Variants in TRPM3 observed in about 807,000 individuals in gnomAD.
The protein encoded by TRPM3 is long transient receptor potential channel 3.
Under a neutral mutation model 181.2 loss-of-function variants are expected in TRPM3, and 77 were observed. That is an observed-to-expected ratio of 0.42 (90% CI 0.35 to 0.51). The LOEUF is 0.51. Among genes scored for constraint, TRPM3 ranks in the 20% least tolerant of loss-of-function variants. The pLI is 0.01. For missense variants in TRPM3, 1,759 were observed against 2,196.7 expected, an observed-to-expected ratio of 0.80 and a Z score of 3.98; for synonymous variants, 745 against 796.4, an observed-to-expected ratio of 0.94 and a Z score of 1.09.
intron 9 of TRPM3, among the ~76,000 whole-genome samples, chr9:70,645,763 AT>A (rs1418847992): frequency 1.8e-4 from 28 of 151,930 alleles, no homozygotes; most frequent in African/African-American, 6.5e-4. Flanking sequence ...AATAAAAAAA[AT>A]AAATAAAACT....
chr9:70,943,296 C>T (rs2096902974), intron 1 of TRPM3, among the ~76,000 whole-genome samples: 1 of 152,200 alleles, frequency 6.6e-6, no homozygotes. Flanking sequence ...AATAAAAACT[C>T]TCAAAACTTG....
chr9:71,197,228 C>A (rs1363479543), intron 1 of TRPM3, among the ~76,000 whole-genome samples: 2 of 152,180 alleles, frequency 1.3e-5, no homozygotes, highest in African/African-American at 4.8e-5. Flanking sequence ...GCATAGTATT[C>A]CATGGTGTAT....
At chr9:71,437,332 T>C (rs547157449) in intron 1 of TRPM3, among the ~76,000 whole-genome samples, 5 of 152,338 alleles carry the variant, frequency 3.3e-5, no homozygotes, top group Non-Finnish European at 7.4e-5. Flanking sequence ...GCCAGATCCA[T>C]TCCATTATCA....
intron 9 of TRPM3, among the ~76,000 whole-genome samples, chr9:70,659,748 TA>T (rs2060853953): frequency 6.6e-6 from 1 of 152,186 alleles, no homozygotes; most frequent in South Asian, 2.1e-4. Context: ...ATAATGTTAA[TA>T]TTTTTTCCTT....
chr9:71,013,045 G>A (rs1452867996), intron 1 of TRPM3, among the ~76,000 whole-genome samples: 3 of 152,108 alleles, frequency 2.0e-5, no homozygotes, highest in South Asian at 2.1e-4. Flanking sequence ...ACACATACAC[G>A]CATATTTGTA....
intron 1 of TRPM3, among the ~76,000 whole-genome samples, chr9:70,926,923 C>A (rs751230797): frequency 3.9e-5 from 6 of 152,192 alleles, no homozygotes; most frequent in African/African-American, 7.2e-5. Context: ...GTGTTGACAG[C>A]TCATCCCATG....
At chr9:70,664,410 C>T (rs187143149) in intron 9 of TRPM3, among the ~76,000 whole-genome samples, 1 of 152,228 alleles carries the variant, frequency 6.6e-6, no homozygotes, top group East Asian at 1.9e-4. Flanking sequence ...AGACACTTCC[C>T]TAAGTGAGTT....
intron 1 of TRPM3, among the ~76,000 whole-genome samples, chr9:71,062,251 T>A (rs927821966): frequency 3.3e-5 from 5 of 152,106 alleles, no homozygotes; most frequent in Admixed American, 1.3e-4. Context: ...AGAAAGCCAA[T>A]TGTTTAATGC....
At chr9:70,906,778 C>A (rs557376744) in intron 1 of TRPM3, among the ~76,000 whole-genome samples, 16 of 152,106 alleles carry the variant, frequency 1.1e-4, no homozygotes, top group Non-Finnish European at 2.2e-4. Flanking sequence ...TGGCAGGCAC[C>A]TATAATCCCA....
chr9:71,146,978 C>T (rs547891047), intron 1 of TRPM3, among the ~76,000 whole-genome samples: 1 of 152,250 alleles, frequency 6.6e-6, no homozygotes, highest in African/African-American at 2.4e-5. Context: ...TGGATGTCAT[C>T]TTCTTGCCTC....
chr9:70,956,671 G>A (rs1387623550), intron 1 of TRPM3, among the ~76,000 whole-genome samples: 9 of 152,030 alleles, frequency 5.9e-5, no homozygotes, highest in African/African-American at 1.9e-4. Flanking sequence ...ATTTCTTTGA[G>A]GCCAGGACTT....
intron 1 of TRPM3, among the ~76,000 whole-genome samples, chr9:71,348,552 A>ATATT (rs952093039): frequency 1.3e-5 from 2 of 148,488 alleles, no homozygotes; most frequent in South Asian, 2.1e-4. Flanking sequence ...ATTTATTTAT[A>ATATT]TATTTATTTA....
chr9:70,833,491 C>A (rs2094096333), intron 5 of TRPM3, among the ~76,000 whole-genome samples: 2 of 152,110 alleles, frequency 1.3e-5, no homozygotes, highest in African/African-American at 2.4e-5. Context: ...GCATGCCAGG[C>A]ACTGTGATGG....
chr9:71,444,466 C>T (rs568696121), intron 1 of TRPM3, among the ~76,000 whole-genome samples: 58 of 152,152 alleles, frequency 3.8e-4, no homozygotes, highest in African/African-American at 1.3e-3. Context: ...AGGATGGATA[C>T]CACAATATTT....
chr9:70,843,232 A>C, intron 4 of TRPM3, 105 bp from the exon 5 acceptor site: 1 of 1,251,554 alleles, frequency 8.0e-7, no homozygotes. Context: ...AAATAAATTG[A>C]ATATAAAATT....
chr9:71,105,881 T>G (rs2134127341), intron 1 of TRPM3, among the ~76,000 whole-genome samples: 1 of 152,316 alleles, frequency 6.6e-6, no homozygotes, highest in African/African-American at 2.4e-5. Flanking sequence ...TGATATTAAC[T>G]GGAGAAGGTC....
At chr9:71,036,954 T>G (rs1302168699) in intron 1 of TRPM3, among the ~76,000 whole-genome samples, 2 of 152,188 alleles carry the variant, frequency 1.3e-5, no homozygotes, top group African/African-American at 4.8e-5. Flanking sequence ...TTGTAGGCAT[T>G]TTTCAAGCAT....
At chr9:70,577,727 G>A (rs142037138) in intron 22 of TRPM3, among the ~76,000 whole-genome samples, 102 of 152,298 alleles carry the variant, frequency 6.7e-4, no homozygotes, top group African/African-American at 2.4e-3. Context: ...TCCTGATAGG[G>A]TTGATAATCT....
chr9:70,820,063 T>C (rs2093037514), intron 6 of TRPM3, among the ~76,000 whole-genome samples: 1 of 152,140 alleles, frequency 6.6e-6, no homozygotes, highest in Non-Finnish European at 1.5e-5. Context: ...ACAAGTCGAG[T>C]ACTCAAAAAT....
Sources: allele counts gnomAD v4.1 joint callset (sites outside exome capture counted in the v4.1 genomes callset), GRCh38; gene constraint gnomAD v4.1.1; transcripts MANE v1.5; gene names NCBI Gene and HGNC (gene_info 2026-07-23, HGNC 2026-07-21).